Variants in CNOT6 observed in about 807,000 individuals in gnomAD.
CNOT6 encodes the protein carbon catabolite repression 4 protein.
CNOT6 carries 12 observed loss-of-function variants against 61.2 expected under a neutral mutation model. That is an observed-to-expected ratio of 0.20 (90% CI 0.13 to 0.32). The LOEUF (loss-of-function observed/expected upper bound fraction) is 0.32, where lower values mean the gene tolerates loss of function less well. CNOT6 is among the 10% of genes least tolerant of loss of function. The pLI, the probability that CNOT6 is intolerant of heterozygous loss-of-function variation, is 1.00. For missense variants in CNOT6, 405 were observed against 663.9 expected, an observed-to-expected ratio of 0.61 and a Z score of 4.28; for synonymous variants, 225 against 240.6, an observed-to-expected ratio of 0.94 and a Z score of 0.60.
At chr5:180,497,114 G>A (rs929229444) in intron 1 of CNOT6, among the ~76,000 whole-genome samples, 1 of 152,088 alleles carries the variant, frequency 6.6e-6, no homozygotes, top group African/African-American at 2.4e-5. Flanking sequence ...GATCACCTGA[G>A]GTCAGGAGTT....
At chr5:180,530,561 CTTTTTT>C (rs70973925) in intron 2 of CNOT6, among the ~76,000 whole-genome samples, 2 of 119,450 alleles carry the variant, frequency 1.7e-5, no homozygotes, top group Non-Finnish European at 3.6e-5. Context: ...CTTCTGATTT[CTTTTTT>C]TTTTTTTTTT....
intron 1 of CNOT6, among the ~76,000 whole-genome samples, chr5:180,513,044 C>T (rs12109328): frequency 0.27 from 40,905 of 151,840 alleles, 6,147 homozygotes; most frequent in Middle Eastern, 0.41. Context: ...TACAGGTGCC[C>T]GCCACCAATG....
chr5:180,545,275 C>T (rs1339758860), intron 2 of CNOT6, among the ~76,000 whole-genome samples: 1 of 152,168 alleles, frequency 6.6e-6, no homozygotes, highest in Non-Finnish European at 1.5e-5. Flanking sequence ...ATTCATCGAT[C>T]CTGAAAGTTT....
At chr5:180,530,456 C>G (rs1204967208) in intron 2 of CNOT6, among the ~76,000 whole-genome samples, 1 of 151,748 alleles carries the variant, frequency 6.6e-6, no homozygotes, top group Non-Finnish European at 1.5e-5. Flanking sequence ...TTTGTCAGCT[C>G]AAAATTTCTG....
Position 180,566,640 on chromosome 5 carries a change from C to CTTT in CNOT6, c.718-423_718-421dup, listed in dbSNP as rs70973940. ...GATAAATAGTGTTGAAAAGATGTTACTTTTTTTTTTTTTTTTTTTTTTTTT... is the reference window on the plus strand; with the variant it reads ...GATAAATAGTGTTGAAAAGATGTTACTTTTTTTTTTTTTTTTTTTTTTTTTTTT... On this transcript the variant is annotated intron_variant, in intron 7 of 11. Transcript: ENST00000261951. 3.7e-4 allele frequency among the ~76,000 whole-genome samples: 28 copies of CTTT among 75,590 alleles called. 2 individuals are homozygous for CTTT. The highest frequency in any genetic ancestry group is 8.1e-4 in the Admixed American group (4 of 4,948). The allele number at this position is 75,590 out of a possible 152,430, so 49.6% of individuals were successfully genotyped here. A position where few individuals can be genotyped will look rare whatever the true frequency, so the allele number is the denominator to read the frequency against.
chr5:180,537,416 G>T (rs1400888665), intron 2 of CNOT6, among the ~76,000 whole-genome samples: 1 of 151,936 alleles, frequency 6.6e-6, no homozygotes, highest in Non-Finnish European at 1.5e-5. Flanking sequence ...TTTGCCATGG[G>T]TATATCTGCT....
chr5:180,505,620 T>G (rs1349949242), intron 1 of CNOT6, among the ~76,000 whole-genome samples: 4 of 146,782 alleles, frequency 2.7e-5, no homozygotes, highest in African/African-American at 1.0e-4. Flanking sequence ...CGATCTCGGC[T>G]CACTGCAAGC....
chr5:180,497,614 C>T (rs1468268355), intron 1 of CNOT6, among the ~76,000 whole-genome samples: 1 of 152,032 alleles, frequency 6.6e-6, no homozygotes, highest in African/African-American at 2.4e-5. Context: ...TGGAAAAGTC[C>T]TAATAGGCTC....
intron 4 of CNOT6, 108 bp from the exon 5 acceptor site, chr5:180,564,366 AGTCTGACATCTTACT>A (rs140883990): frequency 0.088 from 60,618 of 685,004 alleles, 2,749 homozygotes; most frequent in Middle Eastern, 0.15. Context: ...TATTTTCTAT[AGTCTGACATCTTACT>A]AGTAACTATA....
intron 1 of CNOT6, among the ~76,000 whole-genome samples, chr5:180,511,349 C>T (rs995195106): frequency 6.6e-6 from 1 of 151,906 alleles, no homozygotes; most frequent in Admixed American, 6.6e-5. Context: ...CGGTGGCTCA[C>T]GCCTGTAATC....
chr5:180,514,195 G>A (rs569732054), intron 1 of CNOT6, among the ~76,000 whole-genome samples: 104 of 152,088 alleles, frequency 6.8e-4, no homozygotes, highest in Non-Finnish European at 1.0e-3. Context: ...AGGCCGAGGC[G>A]GGTGGATCAT....
At position 180,575,495 on chromosome 5, in the gene CNOT6, G is replaced by C. The variant is rs112870765; in HGVS notation, c.*1295G>C. On this transcript the variant is annotated 3_prime_UTR_variant, in exon 12 of 12. Coordinates refer to ENST00000261951, the MANE Select transcript of CNOT6 (RefSeq NM_001370472.1). ...GTTGTTTTAATCATTCCTTTTTTAA[G>C]AAGAAGTAATTTTCCATTTATGAAG... is the stretch of plus-strand genomic sequence containing the variant. 18 of 152,202 alleles carry C rather than the reference G, an allele frequency of 1.2e-4. 2 individuals are homozygous for C. Among genetic ancestry groups the C allele is most frequent in the African/African-American group, 4.3e-4 (18 of 41,500 alleles). The allele number at this position is 152,202 out of a possible 1,614,324, so 9.4% of individuals were successfully genotyped here. A position where few individuals can be genotyped will look rare whatever the true frequency, so the allele number is the denominator to read the frequency against.
chr5:180,524,198 G>C (rs149689776), intron 1 of CNOT6, among the ~76,000 whole-genome samples: 1 of 152,114 alleles, frequency 6.6e-6, no homozygotes, highest in Non-Finnish European at 1.5e-5. Context: ...ATTCTTGAAA[G>C]TTTTCAGGTG....
chr5:180,543,348 T>C (rs1759141201), intron 2 of CNOT6, among the ~76,000 whole-genome samples: 1 of 152,164 alleles, frequency 6.6e-6, no homozygotes, highest in Non-Finnish European at 1.5e-5. Context: ...CGTGAGCCAG[T>C]GCACCCGGCC....
At chr5:180,572,646 C>T (rs1259295766) in intron 11 of CNOT6, among the ~76,000 whole-genome samples, 1 of 152,116 alleles carries the variant, frequency 6.6e-6, no homozygotes, top group African/African-American at 2.4e-5. Context: ...AACTCTCGGG[C>T]TCAGGCAACC....
chr5:180,518,514 G>A (rs1473532101), intron 1 of CNOT6, among the ~76,000 whole-genome samples: 2 of 151,734 alleles, frequency 1.3e-5, no homozygotes, highest in East Asian at 3.9e-4. Context: ...TGGGGGGGAG[G>A]AGGGAGTTGA....
At chr5:180,533,259 A>G (rs1217719936) in intron 2 of CNOT6, among the ~76,000 whole-genome samples, 5 of 150,368 alleles carry the variant, frequency 3.3e-5, no homozygotes, top group Non-Finnish European at 7.4e-5. Context: ...TAAGCACTCT[A>G]ACATTATAAC....
At chr5:180,531,729 TC>T (rs1396735072) in intron 2 of CNOT6, among the ~76,000 whole-genome samples, 1 of 152,180 alleles carries the variant, frequency 6.6e-6, no homozygotes, top group Non-Finnish European at 1.5e-5. Context: ...CCGTCTGTAA[TC>T]CCGGCACCTC....
intron 1 of CNOT6, 76 bp from the exon 2 acceptor site, chr5:180,529,199 A>G: frequency 4.3e-6 from 2 of 460,378 alleles, no homozygotes; most frequent in Non-Finnish European, 3.6e-6. Context: ...CTTCGTCTCA[A>G]AAAAAAAAAA....
Sources: gnomAD v4.1 joint callset for allele counts (sites outside exome capture counted in the v4.1 genomes callset) on GRCh38, gnomAD v4.1.1 for gene constraint, MANE v1.5 for transcripts, NCBI Gene and HGNC (gene_info 2026-07-23, HGNC 2026-07-21) for gene names.